The following TRAM2 variants were observed in gnomAD, a reference collection of about 807,000 sequenced individuals.
TRAM2 encodes the protein translocating chain-associated membrane protein 2.
Under a neutral mutation model 51.0 loss-of-function variants are expected in TRAM2, and 12 were observed. The ratio of observed to expected loss-of-function variants is 0.24; its 90% CI spans 0.15 to 0.38. The LOEUF is 0.38. Ranked by LOEUF, TRAM2 falls within the 10% of genes least tolerant of loss-of-function variation. TRAM2 has a pLI of 1.00. For missense variants in TRAM2, 361 were observed against 462.0 expected (o/e 0.78, Z 2.00); for synonymous variants, 175 against 179.4 (o/e 0.98, Z 0.20).
At position 52,544,172 on chromosome 6, in the gene TRAM2, GC is replaced by G. The variant is rs563708473; in HGVS notation, c.121-8327del. 1.3e-4 allele frequency among the ~76,000 whole-genome samples: 20 copies of G among 152,340 alleles called. No homozygotes were observed. The South Asian group carries it at 3.9e-3, about 30-fold the overall frequency. Reference sequence around the variant, plus strand: ...ACCAGGCCCGTCAGCAGGGCTGCAGGCCAATTCTCACAGGAAGCCTTCAAAT... The same window carrying G: ...ACCAGGCCCGTCAGCAGGGCTGCAGGCAATTCTCACAGGAAGCCTTCAAAT... On this transcript the variant is annotated intron_variant, in intron 1 of 10. Transcript: ENST00000182527.
intron 1 of TRAM2, among the ~76,000 whole-genome samples, chr6:52,558,803 C>G (rs1767452169): frequency 6.6e-6 from 1 of 152,174 alleles, no homozygotes; most frequent in Admixed American, 6.5e-5. Flanking sequence ...TTAGGCTTTT[C>G]CATGTGTCCT....
intron 1 of TRAM2, among the ~76,000 whole-genome samples, chr6:52,547,169 C>T (rs990807666): frequency 1.8e-4 from 27 of 152,056 alleles, no homozygotes; most frequent in African/African-American, 6.3e-4. Flanking sequence ...CAGGGAGGTG[C>T]GGGAGAAGCT....
intron 7 of TRAM2, among the ~76,000 whole-genome samples, chr6:52,507,308 A>G (rs1581868143): frequency 6.6e-6 from 1 of 152,230 alleles, no homozygotes; most frequent in Non-Finnish European, 1.5e-5. Flanking sequence ...CAGATGATAC[A>G]TACTGTGTTA....
At chr6:52,572,171 G>C (rs1767690386) in intron 1 of TRAM2, among the ~76,000 whole-genome samples, 1 of 152,210 alleles carries the variant, frequency 6.6e-6, no homozygotes, top group South Asian at 2.1e-4. Context: ...GCTCAAGAGA[G>C]TACGTGACCC....
intron 1 of TRAM2, among the ~76,000 whole-genome samples, chr6:52,544,448 C>G (rs1285041592): frequency 6.6e-6 from 1 of 152,156 alleles, no homozygotes; most frequent in East Asian, 1.9e-4. Context: ...CTTTAGAAGT[C>G]AAGGTCAGGC....
intron 1 of TRAM2, among the ~76,000 whole-genome samples, chr6:52,560,787 C>A (rs1251906662): frequency 2.0e-5 from 3 of 152,150 alleles, no homozygotes; most frequent in African/African-American, 7.2e-5. Context: ...TAATACTGGC[C>A]CTGAGCTATC....
chr6:52,563,335 G>C (rs74764504), intron 1 of TRAM2, among the ~76,000 whole-genome samples: 12,930 of 152,242 alleles, frequency 0.085, 761 homozygotes, highest in Non-Finnish European at 0.12. Flanking sequence ...CAGACAGATA[G>C]ACAGACAGAT....
Position 52,503,206 on chromosome 6 carries a change from C to G in TRAM2, c.1104G>C (p.Lys368Asn). 1 of 1,613,702 alleles carries G rather than the reference C, an allele frequency of 6.2e-7. No individual in the cohort carries two copies. Among genetic ancestry groups the G allele is most frequent in the Non-Finnish European group, 8.5e-7 (1 of 1,179,896 alleles). Residue 368 changes from lysine to asparagine, a missense_variant, in exon 11 of 11, where the codon AAG (lysine) becomes AAC (asparagine). By Grantham distance (94) the Lys-to-Asn change is moderately conservative. Transcript: ENST00000182527. ...TCTTAGCACTTTGGCCTTAGGGAGACTTGAGTTTCTTAGTCCGTGGGGAGG... is the reference window on the plus strand; with the variant it reads ...TCTTAGCACTTTGGCCTTAGGGAGAGTTGAGTTTCTTAGTCCGTGGGGAGG... The part of the protein sequence containing the change: ...NGTSPRTKKL[K>N]SP
intron 1 of TRAM2, among the ~76,000 whole-genome samples, chr6:52,557,584 C>T (rs1767431648): frequency 6.6e-6 from 1 of 152,168 alleles, no homozygotes; most frequent in African/African-American, 2.4e-5. Flanking sequence ...GCATGCATAA[C>T]ACCGTATTTA....
chr6:52,535,479 G>A (rs1326554584), intron 2 of TRAM2, among the ~76,000 whole-genome samples: 2 of 152,096 alleles, frequency 1.3e-5, no homozygotes, highest in Non-Finnish European at 2.9e-5. Context: ...TCACGAGTTC[G>A]AGACCAGCCT....
chr6:52,556,662 T>C (rs1416023791), intron 1 of TRAM2, among the ~76,000 whole-genome samples: 1 of 151,634 alleles, frequency 6.6e-6, no homozygotes, highest in Non-Finnish European at 1.5e-5. Context: ...GCACAGTGGC[T>C]CATGCCTGTA....
chr6:52,566,193 C>T (rs1347968816), intron 1 of TRAM2, among the ~76,000 whole-genome samples: 2 of 152,166 alleles, frequency 1.3e-5, no homozygotes, highest in African/African-American at 2.4e-5. Flanking sequence ...TCACTGCACA[C>T]GTCAGGGTTA....
At chr6:52,551,995 C>T (rs552184341) in intron 1 of TRAM2, among the ~76,000 whole-genome samples, 2 of 152,262 alleles carry the variant, frequency 1.3e-5, no homozygotes, top group Admixed American at 1.3e-4. Context: ...GCTGGCCGCT[C>T]GAGAAGGCTC....
chr6:52,515,500 A>G (rs772720796), intron 4 of TRAM2, among the ~76,000 whole-genome samples: 1 of 152,234 alleles, frequency 6.6e-6, no homozygotes, highest in Non-Finnish European at 1.5e-5. Flanking sequence ...TCGTTTATAG[A>G]AGGCCAAGGT....
intron 4 of TRAM2, among the ~76,000 whole-genome samples, chr6:52,512,778 C>T (rs2114066682): frequency 6.6e-6 from 1 of 152,328 alleles, no homozygotes; most frequent in East Asian, 1.9e-4. Flanking sequence ...TCAGATATAG[C>T]ACAGGCAAGT....
intron 1 of TRAM2, among the ~76,000 whole-genome samples, chr6:52,551,289 A>T (rs1767304402): frequency 6.6e-6 from 1 of 152,184 alleles, no homozygotes. Context: ...ACACTAACCA[A>T]TAATGTCTCC....
At chr6:52,534,357 G>A (rs969952530) in intron 2 of TRAM2, among the ~76,000 whole-genome samples, 1 of 152,190 alleles carries the variant, frequency 6.6e-6, no homozygotes, top group Non-Finnish European at 1.5e-5. Flanking sequence ...CTCCAGCCTG[G>A]GCAACAAGAG....
At chr6:52,528,193 C>T (rs2114080327) in intron 2 of TRAM2, among the ~76,000 whole-genome samples, 1 of 152,258 alleles carries the variant, frequency 6.6e-6, no homozygotes, top group East Asian at 1.9e-4. Context: ...CCTTGGCTCT[C>T]GCTGGTGCAT....
intron 1 of TRAM2, among the ~76,000 whole-genome samples, chr6:52,564,985 A>G (rs1767565333): frequency 1.3e-5 from 2 of 152,150 alleles, no homozygotes; most frequent in South Asian, 2.1e-4. Flanking sequence ...GAGAAGCATG[A>G]AGGAGGAGGG....
Sources: gnomAD v4.1 joint callset for allele counts (sites outside exome capture counted in the v4.1 genomes callset) on GRCh38, gnomAD v4.1.1 for gene constraint, MANE v1.5 for transcripts, NCBI Gene and HGNC (gene_info 2026-07-23, HGNC 2026-07-21) for gene names.